The following PHF24 variants were observed in gnomAD, a reference collection of about 807,000 sequenced individuals.
PHF24 encodes Galpha inhibitory interacting protein.
PHF24 carries 25 observed loss-of-function variants against 42.6 expected under a neutral mutation model. The observed-to-expected ratio is 0.59, with a 90% CI of 0.43 to 0.82. The LOEUF is 0.82. PHF24 is among the 40% of genes least tolerant of loss of function. The probability of loss-of-function intolerance (pLI) is 0.00; values close to 1 mark genes in which losing one functional copy is unlikely to be tolerated. For synonymous variants in PHF24, 185 were observed against 204.8 expected (o/e 0.90, Z 0.83); for missense variants, 470 against 538.1 (o/e 0.87, Z 1.25).
At chr9:34,845,589 A>T in the PHF24 span, among the ~76,000 whole-genome samples, 3 of 151,738 alleles carry the variant, frequency 2.0e-5, no homozygotes, top group Non-Finnish European at 4.4e-5. Context: ...ACTTTTTTTT[A>T]AATTTTATTT....
At chr9:34,701,136 C>T in the PHF24 span, among the ~76,000 whole-genome samples, 1 of 152,178 alleles carries the variant, frequency 6.6e-6, no homozygotes, top group East Asian at 1.9e-4. This position sits in a 1 kb window ranked among gnomAD's most constrained non-coding sequence, Gnocchi z 5.8. Context: ...CCCAGCCTAG[C>T]CTCATCCTTT....
the PHF24 span, among the ~76,000 whole-genome samples, chr9:34,821,497 T>A: frequency 6.6e-6 from 1 of 152,062 alleles, no homozygotes; most frequent in African/African-American, 2.4e-5. Context: ...AAAGCAGAAG[T>A]GAGGTAGCAG....
chr9:34,727,029 T>C, the PHF24 span: 1 of 1,525,534 alleles, frequency 6.6e-7, no homozygotes, highest in South Asian at 1.2e-5. Flanking sequence ...TGGAGTGACA[T>C]CTGCCTTCTT....
chr9:34,686,582 G>C, the PHF24 span, among the ~76,000 whole-genome samples: 18 of 152,218 alleles, frequency 1.2e-4, no homozygotes, highest in Admixed American at 6.5e-5. Flanking sequence ...AAATAGGAAA[G>C]GGAGATTTTC....
At chr9:34,874,844 A>G in the PHF24 span, among the ~76,000 whole-genome samples, 1 of 152,140 alleles carries the variant, frequency 6.6e-6, no homozygotes, top group African/African-American at 2.4e-5. Flanking sequence ...TAGTAAGTGT[A>G]TATATTTAAG....
the PHF24 span, among the ~76,000 whole-genome samples, chr9:34,880,376 T>C: frequency 6.6e-6 from 1 of 152,082 alleles, no homozygotes; most frequent in East Asian, 1.9e-4. Flanking sequence ...TAAATGTAAA[T>C]GGGCTAAATG....
At chr9:34,683,730 T>C in the PHF24 span, among the ~76,000 whole-genome samples, 2 of 152,254 alleles carry the variant, frequency 1.3e-5, no homozygotes, top group African/African-American at 4.8e-5. Flanking sequence ...GGAAATTCTC[T>C]GTTTTTCAAT....
the PHF24 span, among the ~76,000 whole-genome samples, chr9:34,860,312 T>C: frequency 6.6e-6 from 1 of 152,376 alleles, no homozygotes; most frequent in African/African-American, 2.4e-5. Flanking sequence ...TTGCTCCATC[T>C]TGACTGCAAG....
At chr9:34,718,150 C>A in the PHF24 span, among the ~76,000 whole-genome samples, 4 of 152,206 alleles carry the variant, frequency 2.6e-5, no homozygotes, top group African/African-American at 7.2e-5. Context: ...GCCCCTGTGG[C>A]CTTTGTAGCA....
the PHF24 span, among the ~76,000 whole-genome samples, chr9:34,670,314 TGTG>T: frequency 6.6e-6 from 1 of 152,178 alleles, no homozygotes; most frequent in Non-Finnish European, 1.5e-5. Flanking sequence ...TGGCCAGAAA[TGTG>T]GGTGGCTTGG....
the PHF24 span, among the ~76,000 whole-genome samples, chr9:34,800,028 G>A: frequency 2.6e-5 from 4 of 152,122 alleles, no homozygotes; most frequent in African/African-American, 9.6e-5. Context: ...ATTACTTAAT[G>A]GATACAATGT....
At chr9:34,980,376 A>T (rs16932121) in exon 8 of PHF24, 1 of 152,246 alleles carries the variant, frequency 6.6e-6, no homozygotes, top group East Asian at 1.9e-4. Flanking sequence ...CTATTCCAGA[A>T]CAGCAAACTT....
At chr9:34,759,994 C>T in the PHF24 span, among the ~76,000 whole-genome samples, 11 of 152,112 alleles carry the variant, frequency 7.2e-5, no homozygotes, top group East Asian at 1.9e-3. Flanking sequence ...TGAACAAGGG[C>T]GCATTCATGT....
chr9:34,879,695 C>T, the PHF24 span, among the ~76,000 whole-genome samples: 2 of 152,114 alleles, frequency 1.3e-5, no homozygotes, highest in African/African-American at 4.8e-5. Flanking sequence ...AAATATGGGA[C>T]TATGTGAAAA....
chr9:34,788,048 G>GT, the PHF24 span, among the ~76,000 whole-genome samples: 9 of 152,002 alleles, frequency 5.9e-5, 1 homozygote, highest in South Asian at 8.3e-4. Context: ...GTTTTGTTTT[G>GT]TTTTTTTGAG....
At chr9:34,909,881 C>G in the PHF24 span, among the ~76,000 whole-genome samples, 37 of 152,298 alleles carry the variant, frequency 2.4e-4, 1 homozygote, top group African/African-American at 8.9e-4. Context: ...CCCGCCTTAG[C>G]CTCCCAAAGT....
chr9:34,764,683 T>G, the PHF24 span, among the ~76,000 whole-genome samples: 1 of 152,164 alleles, frequency 6.6e-6, no homozygotes, highest in East Asian at 1.9e-4. Flanking sequence ...AAGGGTTTTT[T>G]GTGTCTCTAT....
At chr9:34,911,914 C>T in the PHF24 span, among the ~76,000 whole-genome samples, 2 of 152,160 alleles carry the variant, frequency 1.3e-5, no homozygotes, top group African/African-American at 2.4e-5. Context: ...TTGTTTTCTT[C>T]CTTTACCTAC....
upstream of PHF24, among the ~76,000 whole-genome samples, chr9:34,955,624 C>A (rs1018039176): frequency 6.6e-6 from 1 of 152,194 alleles, no homozygotes; most frequent in African/African-American, 2.4e-5. Flanking sequence ...TTGCAGTGAG[C>A]CGAGATCAAG....
Sources: gnomAD v4.1 joint callset for allele counts (sites outside exome capture counted in the v4.1 genomes callset) on GRCh38, gnomAD v4.1.1 for gene constraint, Gnocchi (gnomAD v3.1) non-coding constraint, MANE v1.5 for transcripts, NCBI Gene and HGNC (gene_info 2026-07-23, HGNC 2026-07-21) for gene names.